The following CCSER1 variants were observed in gnomAD, a reference collection of about 807,000 sequenced individuals.
CCSER1 encodes serine-rich coiled-coil domain-containing protein 1.
In CCSER1, 41 loss-of-function variants were observed where a neutral mutation model predicts 82.0. The observed-to-expected ratio is 0.50, with a 90% CI of 0.39 to 0.65. The LOEUF is 0.65. CCSER1 is among the 30% of genes least tolerant of loss of function. The probability of loss-of-function intolerance (pLI) is 0.00; values close to 1 mark genes in which losing one functional copy is unlikely to be tolerated. For synonymous variants in CCSER1, 414 were observed against 383.9 expected, an observed-to-expected ratio of 1.08 and a Z score of -0.92; for missense variants, 1,119 against 1,064.2, an observed-to-expected ratio of 1.05 and a Z score of -0.72.
intron 10 of CCSER1, among the ~76,000 whole-genome samples, chr4:91,573,512 C>G (rs996303828): frequency 6.6e-6 from 1 of 152,052 alleles, no homozygotes; most frequent in Non-Finnish European, 1.5e-5. Flanking sequence ...GATTGAAGGC[C>G]CTGGTGGAGT....
intron 5 of CCSER1, among the ~76,000 whole-genome samples, chr4:90,598,968 A>G (rs1300627105): frequency 6.6e-6 from 1 of 152,164 alleles, no homozygotes; most frequent in Non-Finnish European, 1.5e-5. Context: ...GGCCATTAGA[A>G]CATAATGCAC....
chr4:91,400,811 A>G (rs1042678573), intron 10 of CCSER1, among the ~76,000 whole-genome samples: 1 of 151,750 alleles, frequency 6.6e-6, no homozygotes, highest in Non-Finnish European at 1.5e-5. Flanking sequence ...TTAATTTTCA[A>G]TTAAGTCTAT....
At chr4:91,115,195 C>A (rs1392238175) in intron 10 of CCSER1, among the ~76,000 whole-genome samples, 1 of 152,084 alleles carries the variant, frequency 6.6e-6, no homozygotes, top group Non-Finnish European at 1.5e-5. Context: ...AAAATAGTTA[C>A]CAACTTTGTC....
intron 7 of CCSER1, among the ~76,000 whole-genome samples, chr4:90,768,402 T>G (rs1359067070): frequency 6.6e-6 from 1 of 152,202 alleles, no homozygotes; most frequent in East Asian, 1.9e-4. Context: ...CCACAGAAAC[T>G]GTGAAATAAT....
At chr4:91,359,838 G>A (rs1749128280) in intron 10 of CCSER1, among the ~76,000 whole-genome samples, 1 of 151,792 alleles carries the variant, frequency 6.6e-6, no homozygotes, top group Non-Finnish European at 1.5e-5. Flanking sequence ...GCAGTGGTGT[G>A]GCAGAGGTGG....
At chr4:90,535,327 G>A (rs1775180199) in intron 5 of CCSER1, among the ~76,000 whole-genome samples, 1 of 152,114 alleles carries the variant, frequency 6.6e-6, no homozygotes, top group Non-Finnish European at 1.5e-5. Flanking sequence ...GTTCACGCCT[G>A]TAATCCCAGC....
chr4:90,805,408 T>C (rs1412563036), intron 7 of CCSER1, among the ~76,000 whole-genome samples: 1 of 152,216 alleles, frequency 6.6e-6, no homozygotes, highest in African/African-American at 2.4e-5. Flanking sequence ...TGGTTTCTGC[T>C]TCTCAGCATG....
intron 4 of CCSER1, among the ~76,000 whole-genome samples, chr4:90,434,863 G>T (rs1758792913): frequency 6.6e-6 from 1 of 152,110 alleles, no homozygotes; most frequent in Admixed American, 6.6e-5. Context: ...GCAGCGTTTA[G>T]ATTATTTTAC....
chr4:90,895,589 G>C (rs1189141920), intron 8 of CCSER1, among the ~76,000 whole-genome samples: 2 of 151,896 alleles, frequency 1.3e-5, no homozygotes, highest in Non-Finnish European at 2.9e-5. Context: ...TCACAATGAA[G>C]TAAAATGTAT....
intron 10 of CCSER1, among the ~76,000 whole-genome samples, chr4:91,197,480 G>A (rs536390011): frequency 1.4e-3 from 213 of 152,232 alleles, no homozygotes; most frequent in African/African-American, 4.8e-3. Context: ...AATGTAGCTC[G>A]TGTGCCTGAG....
intron 1 of CCSER1, among the ~76,000 whole-genome samples, chr4:90,185,391 A>G (rs758207413): frequency 6.6e-6 from 1 of 152,092 alleles, no homozygotes; most frequent in African/African-American, 2.4e-5. Context: ...TGAAAGGCAG[A>G]CATGAGAAAC....
intron 9 of CCSER1, among the ~76,000 whole-genome samples, chr4:91,075,650 A>C (rs1236372633): frequency 6.6e-6 from 1 of 152,144 alleles, no homozygotes; most frequent in Non-Finnish European, 1.5e-5. Flanking sequence ...CTTCTTTCTG[A>C]AGTATTTTAA....
chr4:90,145,794 G>T (rs1250424295), intron 1 of CCSER1, among the ~76,000 whole-genome samples: 1 of 151,956 alleles, frequency 6.6e-6, no homozygotes, highest in East Asian at 1.9e-4. Context: ...AAGCATCCTT[G>T]CCTAATATGT....
intron 8 of CCSER1, among the ~76,000 whole-genome samples, chr4:90,915,363 C>T (rs1007453610): frequency 1.2e-4 from 19 of 152,176 alleles, no homozygotes; most frequent in South Asian, 4.2e-4. Flanking sequence ...GTTCAGCATA[C>T]GCAAACCAAT....
chr4:90,704,833 A>G (rs1229633723), intron 6 of CCSER1, among the ~76,000 whole-genome samples: 1 of 152,148 alleles, frequency 6.6e-6, no homozygotes, highest in Non-Finnish European at 1.5e-5. Flanking sequence ...ATCAGGTCAT[A>G]TAAGGACTTC....
At chr4:90,173,471 T>G (rs1455184224) in intron 1 of CCSER1, among the ~76,000 whole-genome samples, 1 of 151,888 alleles carries the variant, frequency 6.6e-6, no homozygotes, top group East Asian at 1.9e-4. Flanking sequence ...CATTTCAGGA[T>G]TAAGCTCAAT....
At chr4:90,317,841 GT>G (rs941435452) in intron 3 of CCSER1, among the ~76,000 whole-genome samples, 48 of 152,266 alleles carry the variant, frequency 3.2e-4, no homozygotes, top group African/African-American at 1.0e-3. Context: ...GGAGGTCCCT[GT>G]AATAAAATAC....
At chr4:90,187,961 T>C (rs897126731) in intron 1 of CCSER1, among the ~76,000 whole-genome samples, 2 of 151,982 alleles carry the variant, frequency 1.3e-5, no homozygotes, top group Admixed American at 1.3e-4. Flanking sequence ...TTCAGCTCTT[T>C]GTGCTCTTGA....
At chr4:91,105,482 G>T (rs1725520621) in intron 10 of CCSER1, among the ~76,000 whole-genome samples, 1 of 151,922 alleles carries the variant, frequency 6.6e-6, no homozygotes, top group Non-Finnish European at 1.5e-5. Flanking sequence ...GAGGTGGGCG[G>T]ATCACAAGGT....
Sources: gnomAD v4.1 joint callset for allele counts (sites outside exome capture counted in the v4.1 genomes callset) on GRCh38, gnomAD v4.1.1 for gene constraint, MANE v1.5 for transcripts, NCBI Gene and HGNC (gene_info 2026-07-23, HGNC 2026-07-21) for gene names.